ARL6: variants seen among roughly 807,000 people sequenced by gnomAD.
The protein encoded by ARL6 is ADP-ribosylation factor-like protein 6.
In ARL6, 18 loss-of-function variants were observed where a neutral mutation model predicts 27.1. The ratio of observed to expected loss-of-function variants is 0.66; its 90% CI spans 0.46 to 0.98. The LOEUF is 0.98. Among genes scored for constraint, ARL6 ranks in the 50% least tolerant of loss-of-function variants. ARL6 has a pLI of 0.00. For missense variants in ARL6, 187 were observed against 214.9 expected, an observed-to-expected ratio of 0.87 and a Z score of 0.81; for synonymous variants, 65 against 72.3, an observed-to-expected ratio of 0.90 and a Z score of 0.51.
At chr3:97,790,957 C>T (rs2037703135) in intron 6 of ARL6, among the ~76,000 whole-genome samples, 1 of 152,090 alleles carries the variant, frequency 6.6e-6, no homozygotes, top group Non-Finnish European at 1.5e-5. Flanking sequence ...ATGACTAGAT[C>T]AATGACATGT....
intron 7 of ARL6, among the ~76,000 whole-genome samples, chr3:97,795,227 A>G (rs2037943017): frequency 6.6e-6 from 1 of 152,238 alleles, no homozygotes. Context: ...TAGACTAGGA[A>G]GTATTTTTTA....
chr3:97,790,645 C>T (rs1008004602), intron 6 of ARL6, among the ~76,000 whole-genome samples: 4 of 151,920 alleles, frequency 2.6e-5, no homozygotes, highest in African/African-American at 9.7e-5. Flanking sequence ...TTAAGTGTTT[C>T]GGTTACTGAT....
chr3:97,781,532 G>T (rs1228163688), intron 4 of ARL6, among the ~76,000 whole-genome samples: 2 of 152,060 alleles, frequency 1.3e-5, no homozygotes, highest in African/African-American at 4.8e-5. Context: ...GAATATGGAA[G>T]AATTTGCATA....
chr3:97,785,798 C>T (rs766224528), intron 5 of ARL6, among the ~76,000 whole-genome samples: 2 of 152,122 alleles, frequency 1.3e-5, no homozygotes, highest in Non-Finnish European at 2.9e-5. Context: ...TATTGTGGAA[C>T]TCTGCATTTC....
chr3:97,795,232 T>G (rs1404167603), intron 7 of ARL6, among the ~76,000 whole-genome samples: 1 of 152,204 alleles, frequency 6.6e-6, no homozygotes, highest in Non-Finnish European at 1.5e-5. Flanking sequence ...TAGGAAGTAT[T>G]TTTTAAACTG....
rs2038203247 is a variant in ARL6, at chr3:97,800,419, C to T, written c.*2370C>T. The T allele has an allele frequency of 6.6e-6, 1 of 152,114 alleles. No individual in the cohort carries two copies. Among genetic ancestry groups the T allele is most frequent in the Non-Finnish European group, 1.5e-5 (1 of 68,012 alleles). 9.4% of individuals were successfully genotyped at this position (152,114 alleles called of 1,614,324 possible). The stretch of plus-strand genomic sequence containing the variant: ...CATCAGTGTGTTACAGAGTTTAATT[C>T]ATTAAGCTCTGTATTTGAATATAAC... On this transcript the variant is annotated 3_prime_UTR_variant, in exon 8 of 8. Coordinates refer to ENST00000463745, the MANE Select transcript of ARL6 (RefSeq NM_001278293.3).
chr3:97,770,420 T>C (rs981014182), intron 2 of ARL6, among the ~76,000 whole-genome samples: 2 of 152,156 alleles, frequency 1.3e-5, no homozygotes, highest in African/African-American at 4.8e-5. Context: ...ATTGAGTTCC[T>C]TCTGTATTCT....
rs80250456 is a variant in ARL6, at chr3:97,793,621, A to G, written c.535+1795A>G. On this transcript the variant is annotated intron_variant, in intron 7 of 7. Transcript: ENST00000463745. ...CACTAGCAGTTAGCCACTAGGTGTC[A>G]GTAGCAATCCAACATCACAATACAA... Among the ~76,000 whole-genome samples, 1,070 of 152,302 alleles carry G rather than the reference A, an allele frequency of 7.0e-3. 10 individuals are homozygous for G. The highest frequency in any genetic ancestry group is 0.01 in the Non-Finnish European group (706 of 68,014).
chr3:97,789,451 T>C (rs1310290006), intron 6 of ARL6, among the ~76,000 whole-genome samples: 3 of 152,186 alleles, frequency 2.0e-5, no homozygotes, highest in Non-Finnish European at 4.4e-5. Flanking sequence ...ATGGATCTAA[T>C]TATTAAATAA....
intron 2 of ARL6, among the ~76,000 whole-genome samples, chr3:97,779,858 T>A (rs2037096034): frequency 6.7e-6 from 1 of 149,672 alleles, no homozygotes; most frequent in Non-Finnish European, 1.5e-5. Context: ...AGAGTGAGAC[T>A]CTATCTCAAA....
rs1372307152 is a variant in ARL6, at chr3:97,780,775, CT to C, written c.254+102del. 6,202 of 743,790 alleles carry C rather than the reference CT, an allele frequency of 8.3e-3. 9 individuals carry two copies. Among genetic ancestry groups the C allele is most frequent in the East Asian group, 0.032 (957 of 29,926 alleles). The allele number at this position is 743,790 out of a possible 1,614,324, so 46.1% of individuals were successfully genotyped here. ...AGAATTATATGGCTAGGTTGTTTGG[CT>C]TTTTTTTTTCATGTAATTTATGAAC... On this transcript the variant is annotated intron_variant, in intron 4 of 7. Transcript: ENST00000463745.
intron 7 of ARL6, chr3:97,793,331 G>A (rs1361596695): frequency 1.3e-5 from 2 of 152,210 alleles, no homozygotes; most frequent in African/African-American, 2.4e-5. Context: ...CAGTAAAGAA[G>A]TGTTGAAGGC....
chr3:97,774,458 TTATCTCCTCAGACAAAGGTG>T (rs2036798259), intron 2 of ARL6, among the ~76,000 whole-genome samples: 1 of 152,052 alleles, frequency 6.6e-6, no homozygotes, highest in Non-Finnish European at 1.5e-5. Flanking sequence ...AGCGCAGGGT[TTATCTCCTCAGACAAAGGTG>T]GAAAGGCTGA....
At chr3:97,794,165 A>G (rs191263718) in intron 7 of ARL6, among the ~76,000 whole-genome samples, 2 of 134,184 alleles carry the variant, frequency 1.5e-5, no homozygotes, top group Admixed American at 1.5e-4. Flanking sequence ...CTTTGGTTAT[A>G]TTTTCTTTCT....
chr3:97,790,089 G>GTGCA, intron 6 of ARL6, among the ~76,000 whole-genome samples: 1 of 151,262 alleles, frequency 6.6e-6, no homozygotes, highest in Non-Finnish European at 1.5e-5. Context: ...GTGTGTGTGT[G>GTGCA]TGCATGTTGT....
chr3:97,774,203 T>C (rs1452116803), intron 2 of ARL6, among the ~76,000 whole-genome samples: 2 of 152,234 alleles, frequency 1.3e-5, no homozygotes, highest in African/African-American at 4.8e-5. Flanking sequence ...TTACTGTTTA[T>C]ATAAATTAGA....
intron 6 of ARL6, 63 bp from the exon 7 acceptor site, chr3:97,791,708 C>G: frequency 6.8e-7 from 1 of 1,481,046 alleles, no homozygotes; most frequent in Non-Finnish European, 9.4e-7. Context: ...AAATTGTAAT[C>G]CTTTATTCTT....
intron 7 of ARL6, among the ~76,000 whole-genome samples, chr3:97,794,697 T>A (rs1413507369): frequency 6.6e-6 from 1 of 152,224 alleles, no homozygotes. Context: ...TCTGAACTTA[T>A]ATCTGATTTT....
intron 5 of ARL6, among the ~76,000 whole-genome samples, 168 bp downstream of exon 5, chr3:97,785,217 T>C (rs1353251817): frequency 6.6e-6 from 1 of 151,872 alleles, no homozygotes; most frequent in Non-Finnish European, 1.5e-5. Flanking sequence ...CACCATATTT[T>C]GTAAATTTTG....
Sources: allele counts gnomAD v4.1 joint callset (sites outside exome capture counted in the v4.1 genomes callset), GRCh38; gene constraint gnomAD v4.1.1; transcripts MANE v1.5; gene names NCBI Gene and HGNC (gene_info 2026-07-23, HGNC 2026-07-21).